KLF13: variants seen among roughly 807,000 people sequenced by gnomAD.
The protein encoded by KLF13 is KLF transcription factor 13, also known as Krueppel-like factor 13.
In KLF13, 8 loss-of-function variants were observed where a neutral mutation model predicts 16.7. The observed-to-expected ratio is 0.48, with a 90% CI of 0.28 to 0.87. KLF13 has a LOEUF of 0.87. KLF13 is among the 40% of genes least tolerant of loss of function. The probability of loss-of-function intolerance (pLI) is 0.10; values close to 1 mark genes in which losing one functional copy is unlikely to be tolerated. For missense variants in KLF13, 447 were observed against 452.2 expected (o/e 0.99, Z 0.10); for synonymous variants, 245 against 208.4 (o/e 1.18, Z -1.51).
chr15:31,435,553 C>T (rs1205747270), exon 2 of KLF13: 1 of 152,212 alleles, frequency 6.6e-6, no homozygotes, highest in African/African-American at 2.4e-5. Context: ...CCCAGACCTT[C>T]CGATCCTGTG....
At chr15:31,349,258 CAGGGCAATGCTGCTGCTGCCCATTTA>C (rs2039177959) in intron 1 of KLF13, among the ~76,000 whole-genome samples, 1 of 152,220 alleles carries the variant, frequency 6.6e-6, no homozygotes, top group African/African-American at 2.4e-5. Context: ...TCCCAGGACC[CAGGGCAATGCTGCTGCTGCCCATTTA>C]GGGAGGGGAG....
downstream of KLF13, among the ~76,000 whole-genome samples, chr15:31,381,314 C>G (rs757964947): frequency 3.9e-5 from 6 of 152,174 alleles, no homozygotes; most frequent in Non-Finnish European, 8.8e-5. Flanking sequence ...GGGCTAAAAT[C>G]CAGGTGTCAT....
Position 31,373,355 on chromosome 15 carries a change from A to G in KLF13, c.*1056A>G, listed in dbSNP as rs2039588046. The G allele has an allele frequency of 6.6e-6, 1 of 152,256 alleles. No individual in the cohort carries two copies. Among genetic ancestry groups the G allele is most frequent in the African/African-American group, 2.4e-5 (1 of 41,462 alleles). The allele number at this position is 152,256 out of a possible 1,614,324, so 9.4% of individuals were successfully genotyped here. On this transcript the variant is annotated 3_prime_UTR_variant, in exon 2 of 2. Coordinates refer to ENST00000307145, the MANE Select transcript of KLF13 (RefSeq NM_015995.4). Reference sequence around the variant, plus strand: ...GCTTCACAGAGACCATTCTGTAGCAAGAGACCGGAACATTGTGACTTGGAC... The same window carrying G: ...GCTTCACAGAGACCATTCTGTAGCAGGAGACCGGAACATTGTGACTTGGAC...
chr15:31,327,566 C>G lies in KLF13; in HGVS notation c.354C>G (p.Pro118=), dbSNP rs867164587. The change falls in exon 1 of 2, where the codon CCC becomes CCG. Residue 118 remains proline (P), a synonymous_variant. Coordinates refer to ENST00000307145, the MANE Select transcript of KLF13 (RefSeq NM_015995.4). ...PGAEGAAAAP[P]SPAWSEPEPE... is the part of the protein sequence containing the mutation. The stretch of plus-strand genomic sequence containing the variant: ...CCGAAGGCGCGGCGGCCGCGCCCCC[C>G]AGCCCGGCGTGGAGCGAGCCGGAGC... The G allele has an allele frequency of 2.0e-4, 231 of 1,145,942 alleles. 1 individual carries two copies. The South Asian group carries it at 8.1e-3, about 40-fold the overall frequency. 71.0% of individuals were successfully genotyped at this position (1,145,942 alleles called of 1,614,324 possible).
At chr15:31,427,347 A>C (rs2040411795) in intron 1 of KLF13, among the ~76,000 whole-genome samples, 1 of 152,210 alleles carries the variant, frequency 6.6e-6, no homozygotes, top group South Asian at 2.1e-4. Flanking sequence ...ACAAAAAACA[A>C]AACAAAAAAC....
intron 1 of KLF13, among the ~76,000 whole-genome samples, chr15:31,329,788 T>C (rs2038794620): frequency 1.3e-5 from 2 of 152,176 alleles, no homozygotes; most frequent in Non-Finnish European, 2.9e-5. Flanking sequence ...CCTTCAGGTG[T>C]GCAGACATCA....
chr15:31,338,555 G>A (rs922717575), intron 1 of KLF13, among the ~76,000 whole-genome samples: 1 of 152,202 alleles, frequency 6.6e-6, no homozygotes, highest in Admixed American at 6.5e-5. Context: ...GAGCAGGGTA[G>A]GAAGCAGCAG....
chr15:31,332,094 C>T (rs543692122), intron 1 of KLF13, among the ~76,000 whole-genome samples: 34 of 151,982 alleles, frequency 2.2e-4, no homozygotes, highest in Non-Finnish European at 3.7e-4. Flanking sequence ...TAGTAGTGGA[C>T]TCTGGTGTGT....
rs1324717129 is a variant in KLF13 at position 31,373,220 on chromosome 15, C to G, written c.*921C>G. The G allele has an allele frequency of 2.0e-5, 3 of 152,258 alleles. No individual in the cohort carries two copies. The highest frequency in any genetic ancestry group is 6.5e-5 in the Admixed American group (1 of 15,292). The allele number at this position is 152,258 out of a possible 1,614,324, so 9.4% of individuals were successfully genotyped here. On this transcript the variant is annotated 3_prime_UTR_variant, in exon 2 of 2. Coordinates refer to ENST00000307145, the MANE Select transcript of KLF13 (RefSeq NM_015995.4). The stretch of plus-strand genomic sequence containing the variant: ...TGTTAGAAATTCCTGGTGGCACATC[C>G]AGTTCCGAGTTTGCCCGCACGGGCA...
At chr15:31,407,368 A>G (rs1406924156), downstream of KLF13, among the ~76,000 whole-genome samples, 1 of 152,170 alleles carries the variant, frequency 6.6e-6, no homozygotes, top group Non-Finnish European at 1.5e-5. Context: ...TTTGCCATGA[A>G]CTACGAGAAA....
In KLF13 at chr15:31,376,478, A is replaced by G. The variant is rs918347394; in HGVS notation, c.*4179A>G. On this transcript the variant is annotated 3_prime_UTR_variant, in exon 2 of 2. Transcript: ENST00000307145. ...TCTTTTGCTGACTGTTTCCATATAC[A>G]ATTCTGGTCACCATATTTTCCAAAG... 1.2e-4 allele frequency: 18 copies of G among 152,572 alleles called. No homozygotes were observed. Among genetic ancestry groups the G allele is most frequent in the African/African-American group, 3.8e-4 (16 of 41,560 alleles). The allele number at this position is 152,572 out of a possible 1,614,324, so 9.5% of individuals were successfully genotyped here.
chr15:31,429,756 T>C (rs1595517964), intron 1 of KLF13, among the ~76,000 whole-genome samples: 1 of 150,868 alleles, frequency 6.6e-6, no homozygotes, highest in South Asian at 2.1e-4. Context: ...TATTTTGAGA[T>C]GGAGACTCAC....
intron 2 of KLF13, among the ~76,000 whole-genome samples, chr15:31,398,498 C>T (rs963218530): frequency 2.0e-5 from 3 of 152,282 alleles, no homozygotes; most frequent in African/African-American, 4.8e-5. Context: ...CTCTGGCCAG[C>T]GCCTATTTCA....
rs1305468557 is a variant in KLF13 at position 31,376,459 on chromosome 15, GCTGA to G, written c.*4164_*4167del. ...GCTTGGTAGGTTATCCACATCTTTT[GCTGA>G]CTGTTTCCATATACAATTCTGGTCA... On this transcript the variant is annotated 3_prime_UTR_variant, in exon 2 of 2. Transcript: ENST00000307145. 2 of 152,400 alleles carry G rather than the reference GCTGA, an allele frequency of 1.3e-5. No homozygotes were observed. Among genetic ancestry groups the G allele is most frequent in the East Asian group, 3.8e-4 (2 of 5,198 alleles). The allele number at this position is 152,400 out of a possible 1,614,324, so 9.4% of individuals were successfully genotyped here.
At chr15:31,418,412 A>G (rs575683962) in intron 1 of KLF13, among the ~76,000 whole-genome samples, 3 of 152,204 alleles carry the variant, frequency 2.0e-5, no homozygotes, top group Non-Finnish European at 4.4e-5. Flanking sequence ...GAAAACAAAC[A>G]TAAATAAAAG....
At chr15:31,367,145 C>T (rs1202442139) in intron 1 of KLF13, among the ~76,000 whole-genome samples, 2 of 152,222 alleles carry the variant, frequency 1.3e-5, no homozygotes, top group African/African-American at 4.8e-5. Context: ...ACCCGTTCTC[C>T]CTTCTCTGGG....
At chr15:31,352,064 TTAAG>T (rs1338221437) in intron 1 of KLF13, among the ~76,000 whole-genome samples, 1 of 151,566 alleles carries the variant, frequency 6.6e-6, no homozygotes, top group Non-Finnish European at 1.5e-5. Flanking sequence ...AAGTCACTGT[TTAAG>T]TAGAGTTTAC....
At chr15:31,412,738 G>T (rs2040209976) in intron 1 of KLF13, among the ~76,000 whole-genome samples, 1 of 152,180 alleles carries the variant, frequency 6.6e-6, no homozygotes, top group Non-Finnish European at 1.5e-5. Context: ...CCATAAAACA[G>T]ATAGCTTCCA....
chr15:31,359,733 T>C (rs1221192775), intron 1 of KLF13, among the ~76,000 whole-genome samples: 4 of 152,244 alleles, frequency 2.6e-5, no homozygotes, highest in Non-Finnish European at 4.4e-5. Flanking sequence ...TAGTCTGTTT[T>C]CTTCCCTGTC....
Sources: allele counts gnomAD v4.1 joint callset (sites outside exome capture counted in the v4.1 genomes callset), GRCh38; gene constraint gnomAD v4.1.1; transcripts MANE v1.5; gene names NCBI Gene and HGNC (gene_info 2026-07-23, HGNC 2026-07-21).